The following TFDP2 variants were observed in gnomAD, a reference collection of about 807,000 sequenced individuals.
TFDP2 encodes the protein transcription factor Dp-2.
A neutral mutation model predicts 59.3 loss-of-function variants in TFDP2; 17 were observed. The ratio of observed to expected loss-of-function variants is 0.29; its 90% CI spans 0.20 to 0.43. The LOEUF is 0.43. Ranked by LOEUF, TFDP2 falls within the 20% of genes least tolerant of loss-of-function variation. The pLI is 1.00. For synonymous variants in TFDP2, 180 were observed against 194.7 expected (o/e 0.92, Z 0.63); for missense variants, 391 against 528.8 (o/e 0.74, Z 2.56).
chr3:141,980,071 G>A (rs1197231573), intron 6 of TFDP2, among the ~76,000 whole-genome samples: 6 of 151,074 alleles, frequency 4.0e-5, no homozygotes, highest in African/African-American at 1.5e-4. Context: ...ACCATGCCTC[G>A]CTAATTTCTT....
chr3:141,983,623 GAAA>G (rs35735051), intron 6 of TFDP2, among the ~76,000 whole-genome samples: 1 of 73,034 alleles, frequency 1.4e-5, no homozygotes, highest in Non-Finnish European at 2.8e-5. Flanking sequence ...AATGTCTCAA[GAAA>G]AAAAAAAAAA....
intron 3 of TFDP2, among the ~76,000 whole-genome samples, chr3:142,063,060 T>C (rs897160263): frequency 3.3e-5 from 5 of 152,198 alleles, no homozygotes; most frequent in Non-Finnish European, 5.9e-5. Flanking sequence ...CACTGAGCTG[T>C]ACACTAATAT....
At chr3:142,101,978 T>C (rs2061329918) in intron 1 of TFDP2, 137 bp from the exon 2 acceptor site, 25 of 389,846 alleles carry the variant, frequency 6.4e-5, no homozygotes, top group East Asian at 3.5e-5. Flanking sequence ...ATGAGGTTTG[T>C]ACCATCTTAA....
At chr3:142,007,192 T>G (rs1052916701) in intron 3 of TFDP2, among the ~76,000 whole-genome samples, 1 of 152,228 alleles carries the variant, frequency 6.6e-6, no homozygotes, top group African/African-American at 2.4e-5. Context: ...CCCTTCAGTT[T>G]TTCTGCCCAT....
chr3:141,955,405 G>C (rs1421890925), intron 11 of TFDP2, among the ~76,000 whole-genome samples: 1 of 152,168 alleles, frequency 6.6e-6, no homozygotes, highest in African/African-American at 2.4e-5. Context: ...CTAAAATAAA[G>C]TTCTGGTGAT....
At chr3:142,010,463 G>A (rs1265621699) in intron 3 of TFDP2, among the ~76,000 whole-genome samples, 1 of 152,052 alleles carries the variant, frequency 6.6e-6, no homozygotes, top group South Asian at 2.1e-4. Context: ...ACAAAAATCA[G>A]CTGGGCATGG....
chr3:141,992,647 G>GT (rs1403259620), intron 6 of TFDP2, among the ~76,000 whole-genome samples: 2 of 152,164 alleles, frequency 1.3e-5, no homozygotes, highest in East Asian at 1.9e-4. Context: ...AGAAGTGATT[G>GT]TATCTGTTGA....
At chr3:141,979,014 G>T (rs11569222) in intron 6 of TFDP2, among the ~76,000 whole-genome samples, 11,319 of 152,216 alleles carry the variant, frequency 0.074, 519 homozygotes, top group Non-Finnish European at 0.11. Context: ...ACAGCTAACA[G>T]ACTTATCTTT....
intron 3 of TFDP2, among the ~76,000 whole-genome samples, chr3:142,067,330 A>G (rs1560106984): frequency 1.3e-5 from 2 of 152,108 alleles, no homozygotes; most frequent in Non-Finnish European, 2.9e-5. Context: ...CCAGCAATAA[A>G]CAATTAATAT....
intron 3 of TFDP2, among the ~76,000 whole-genome samples, chr3:142,068,464 C>T (rs868786473): frequency 5.9e-5 from 9 of 152,098 alleles, no homozygotes; most frequent in East Asian, 1.9e-4. Flanking sequence ...CTGTGAAAGA[C>T]ACTGTTTTTC....
Position 141,970,029 on chromosome 3 carries a change from G to C in TFDP2, c.732+44C>G, listed in dbSNP as rs140944076. On this transcript the variant is annotated intron_variant, in intron 9 of 12. Coordinates refer to ENST00000489671, the MANE Select transcript of TFDP2 (RefSeq NM_001178139.2). ...ACACACTGACTCCAAAAGGCAGCAA[G>C]TGGAGAAACAGGGAAGGTAATGAAA... 1.1e-4 allele frequency: 168 copies of C among 1,570,732 alleles called. No homozygotes were observed. In the African/African-American group the frequency reaches 2.0e-3, roughly 19 times the overall value.
At position 142,055,941 on chromosome 3, in the gene TFDP2, C is replaced by CTT. The variant is rs529693273; in HGVS notation, c.82+37118_82+37119dup. Among the ~76,000 whole-genome samples the CTT allele has an allele frequency of 5.4e-4, 38 of 70,216 alleles. 1 individual carries two copies. Among genetic ancestry groups the CTT allele is most frequent in the East Asian group, 5.1e-3 (9 of 1,772 alleles). The allele number at this position is 70,216 out of a possible 152,430, so 46.1% of individuals were successfully genotyped here. ...AAGCCCACATGCATTTATTAAGTAC[C>CTT]TTTTTTTTTTTTTTTTTTTTTTTTT... On this transcript the variant is annotated intron_variant, in intron 3 of 12. Coordinates refer to ENST00000489671, the MANE Select transcript of TFDP2 (RefSeq NM_001178139.2).
intron 3 of TFDP2, among the ~76,000 whole-genome samples, chr3:142,038,407 A>T (rs13078440): frequency 6.7e-6 from 1 of 149,828 alleles, no homozygotes; most frequent in Non-Finnish European, 1.5e-5. Context: ...AAAAAAAAAA[A>T]GAGAATAAGT....
At chr3:142,038,896 G>A (rs1946824811) in intron 3 of TFDP2, among the ~76,000 whole-genome samples, 1 of 152,082 alleles carries the variant, frequency 6.6e-6, no homozygotes, top group African/African-American at 2.4e-5. Flanking sequence ...TATTAACAAT[G>A]CCGTGATAGG....
At position 141,970,168 on chromosome 3, in the gene TFDP2, A is replaced by G. The variant is rs373712330; in HGVS notation, c.664-27T>C. ...TTTAAAACATTGGTTACAAAATAAT[A>G]TGAACATAGGTAGACTATAAAATAT... On this transcript the variant is annotated intron_variant, in intron 8 of 12. Transcript: ENST00000489671. The G allele has an allele frequency of 2.5e-6, 4 of 1,600,926 alleles. No homozygotes were observed. In the African/African-American group the frequency reaches 5.4e-5, roughly 21 times the overall value.
At chr3:142,032,503 C>A (rs1274573746) in intron 3 of TFDP2, among the ~76,000 whole-genome samples, 7 of 152,332 alleles carry the variant, frequency 4.6e-5, no homozygotes, top group Admixed American at 1.3e-4. Context: ...AGCTTTATCA[C>A]CTCTACAAAG....
intron 4 of TFDP2, among the ~76,000 whole-genome samples, chr3:141,998,986 A>G (rs760027313): frequency 1.3e-5 from 2 of 152,242 alleles, no homozygotes; most frequent in East Asian, 1.9e-4. Context: ...GGTTTTCACT[A>G]TAAGAAGCAT....
intron 2 of TFDP2, among the ~76,000 whole-genome samples, chr3:142,095,979 C>T (rs2061149518): frequency 6.6e-6 from 1 of 152,168 alleles, no homozygotes; most frequent in Non-Finnish European, 1.5e-5. Flanking sequence ...AAAACCTCAA[C>T]TAAAACCACA....
chr3:142,091,801 C>T (rs1157029744), intron 3 of TFDP2, among the ~76,000 whole-genome samples: 1 of 152,070 alleles, frequency 6.6e-6, no homozygotes, highest in African/African-American at 2.4e-5. Context: ...CAGATCCCTC[C>T]CATGTGCAGT....
Sources: allele counts gnomAD v4.1 joint callset (sites outside exome capture counted in the v4.1 genomes callset), GRCh38; gene constraint gnomAD v4.1.1; transcripts MANE v1.5; gene names NCBI Gene and HGNC (gene_info 2026-07-23, HGNC 2026-07-21).